KIAA1217: variants seen among roughly 807,000 people sequenced by gnomAD.
The protein encoded by KIAA1217 is KIAA1217.
In KIAA1217, 88 loss-of-function variants were observed where a neutral mutation model predicts 163.9. That is an observed-to-expected ratio of 0.54 (90% CI 0.45 to 0.64). The LOEUF is 0.64. Ranked by LOEUF, KIAA1217 falls within the 30% of genes least tolerant of loss-of-function variation. The pLI is 0.00. For missense variants in KIAA1217, 2,372 were observed against 2,475.0 expected, an observed-to-expected ratio of 0.96 and a Z score of 0.88; for synonymous variants, 903 against 923.1, an observed-to-expected ratio of 0.98 and a Z score of 0.39.
intron 1 of KIAA1217, among the ~76,000 whole-genome samples, chr10:23,905,377 C>T (rs1032435776): frequency 2.0e-5 from 3 of 151,986 alleles, no homozygotes; most frequent in South Asian, 2.1e-4. Context: ...CACCCACAGC[C>T]GAGGAGCCTG....
At chr10:24,114,401 A>G (rs12259105) in intron 2 of KIAA1217, among the ~76,000 whole-genome samples, 4,988 of 152,302 alleles carry the variant, frequency 0.033, 271 homozygotes, top group African/African-American at 0.11. Flanking sequence ...TATCTACTGT[A>G]TCCACCCAAG....
intron 1 of KIAA1217, among the ~76,000 whole-genome samples, chr10:23,889,692 G>GAAGTCTATTTTATCA (rs141865247): frequency 0.37 from 55,417 of 151,618 alleles, 12,036 homozygotes; most frequent in African/African-American, 0.61. Flanking sequence ...TAAGTTTATT[G>GAAGTCTATTTTATCA]AGTTTTCTTT....
chr10:24,532,719 C>G (rs1334042441), intron 15 of KIAA1217, among the ~76,000 whole-genome samples: 1 of 152,090 alleles, frequency 6.6e-6, no homozygotes, highest in Non-Finnish European at 1.5e-5. Flanking sequence ...GAAAGACCTG[C>G]CCCCATGAGT....
At chr10:23,763,622 G>A (rs1352613337) in intron 1 of KIAA1217, among the ~76,000 whole-genome samples, 1 of 152,152 alleles carries the variant, frequency 6.6e-6, no homozygotes, top group African/African-American at 2.4e-5. Flanking sequence ...AGACTTAAAT[G>A]TAAAACCCAG....
At chr10:24,060,992 A>T (rs1163098716) in intron 2 of KIAA1217, among the ~76,000 whole-genome samples, 1 of 151,714 alleles carries the variant, frequency 6.6e-6, no homozygotes, top group African/African-American at 2.4e-5. Context: ...ATCTTTGTAG[A>T]TTTTCTGTCT....
intron 3 of KIAA1217, among the ~76,000 whole-genome samples, chr10:24,381,610 C>T (rs945160606): frequency 3.3e-5 from 5 of 152,326 alleles, no homozygotes; most frequent in African/African-American, 1.2e-4. Flanking sequence ...CAGTTTCATT[C>T]CGAAACCATC....
At chr10:24,225,010 TA>T (rs2070302639) in intron 2 of KIAA1217, among the ~76,000 whole-genome samples, 1 of 152,032 alleles carries the variant, frequency 6.6e-6, no homozygotes, top group South Asian at 2.1e-4. Flanking sequence ...GTATTTTTAG[TA>T]GAGACGGGGT....
chr10:24,458,541 A>G (rs573236170), intron 5 of KIAA1217, among the ~76,000 whole-genome samples: 4 of 152,266 alleles, frequency 2.6e-5, no homozygotes, highest in African/African-American at 7.2e-5. Context: ...TCAGACCTCC[A>G]CACTGATTTC....
intron 2 of KIAA1217, among the ~76,000 whole-genome samples, chr10:24,308,376 T>C (rs1178996420): frequency 6.6e-6 from 1 of 152,222 alleles, no homozygotes; most frequent in Non-Finnish European, 1.5e-5. Flanking sequence ...GAATTTGGAT[T>C]GGAAAGAAAT....
At chr10:24,281,984 G>T (rs2077993227) in intron 2 of KIAA1217, among the ~76,000 whole-genome samples, 1 of 152,064 alleles carries the variant, frequency 6.6e-6, no homozygotes. Context: ...GTGAACCCAG[G>T]AGGCGGAGCT....
chr10:24,259,805 C>T (rs1415188890), intron 2 of KIAA1217, among the ~76,000 whole-genome samples: 3 of 152,122 alleles, frequency 2.0e-5, no homozygotes, highest in Admixed American at 2.0e-4. Flanking sequence ...CCTTCTCTAC[C>T]ACATAGAGAA....
intron 1 of KIAA1217, among the ~76,000 whole-genome samples, chr10:23,839,437 G>A (rs1451607801): frequency 4.6e-5 from 7 of 151,932 alleles, no homozygotes; most frequent in East Asian, 1.9e-4. Flanking sequence ...CTTCAGATCC[G>A]CTTTTGCTGA....
rs529426197 is a variant in KIAA1217 at position 23,969,602 on chromosome 10, A to G, written c.-320-37623A>G. On this transcript the variant is annotated intron_variant, in intron 1 of 18. Transcript: ENST00000376462. ...TTTCTTTGGAGAAACGTCTATTCAG[A>G]TCTTTTGCTCATTTTTAATTGGTTA... 4.0e-4 allele frequency among the ~76,000 whole-genome samples: 61 copies of G among 152,110 alleles called. No individual in the cohort carries two copies. In the Middle Eastern group the frequency reaches 0.024, roughly 59 times the overall value.
chr10:23,724,518 G>GTTT (rs1838031898), intron 1 of KIAA1217, among the ~76,000 whole-genome samples: 4 of 151,792 alleles, frequency 2.6e-5, no homozygotes, highest in Admixed American at 6.6e-5. Context: ...ATTATCCAAG[G>GTTT]TATTTTTACA....
chr10:24,331,804 A>G (rs1266100988), intron 2 of KIAA1217, among the ~76,000 whole-genome samples: 3 of 152,074 alleles, frequency 2.0e-5, no homozygotes, highest in Non-Finnish European at 4.4e-5. Context: ...AGTTGGTTTT[A>G]TTTATTTATT....
chr10:24,338,010 TA>T (rs1245164660), intron 2 of KIAA1217, among the ~76,000 whole-genome samples: 2 of 152,200 alleles, frequency 1.3e-5, no homozygotes, highest in Non-Finnish European at 2.9e-5. Flanking sequence ...TGGGACATTG[TA>T]ATCTCTCAAA....
At chr10:24,440,881 C>G (rs1269918834) in intron 5 of KIAA1217, among the ~76,000 whole-genome samples, 1 of 152,238 alleles carries the variant, frequency 6.6e-6, no homozygotes, top group Non-Finnish European at 1.5e-5. Flanking sequence ...CAACTTGGTT[C>G]CTGTTCACAG....
rs755607038 is a variant in KIAA1217 at position 24,473,628 on chromosome 10, A to T, written c.1247A>T (p.Asp416Val). 6.2e-7 allele frequency: 1 copy of T among 1,614,082 alleles called. No individual in the cohort carries two copies. Among genetic ancestry groups the T allele is most frequent in the Non-Finnish European group, 8.5e-7 (1 of 1,179,976 alleles). ...IASSHGGHPL[D>V]VPDHIIAYHR... is the part of the protein sequence containing the mutation. ...TCATCCCATGGTGGACACCCACTGG[A>T]TGTCCCCGACCACATCATTGCATAT... The change falls in exon 6 of 21, where the codon GAT becomes GTT. Residue 416 changes from aspartate (D) to valine (V), a missense_variant. Physicochemically the swap from Asp to Val is radical, Grantham distance 152. This residue lies in a region of KIAA1217 where 1,431 missense variants were observed against 1,470.3 expected (regional missense o/e 0.97). Coordinates refer to ENST00000376454, the MANE Select transcript of KIAA1217 (RefSeq NM_019590.5).
intron 3 of KIAA1217, among the ~76,000 whole-genome samples, chr10:24,428,622 AT>A (rs2059356723): frequency 6.6e-6 from 1 of 152,226 alleles, no homozygotes; most frequent in African/African-American, 2.4e-5. Flanking sequence ...TCAATGACTA[AT>A]AAATCATTCG....
Sources: gnomAD v4.1 joint callset for allele counts (sites outside exome capture counted in the v4.1 genomes callset) on GRCh38, gnomAD v4.1.1 for gene constraint, gnomAD v4.1.1 regional missense constraint, MANE v1.5 for transcripts, NCBI Gene and HGNC (gene_info 2026-07-23, HGNC 2026-07-21) for gene names.